RMND1: variants seen among roughly 807,000 people sequenced by gnomAD.
RMND1 encodes required for meiotic nuclear division 1 homolog, also known as required for meiotic nuclear division protein 1 homolog.
A neutral mutation model predicts 54.0 loss-of-function variants in RMND1; 41 were observed. That is an observed-to-expected ratio of 0.76 (90% confidence interval 0.59 to 0.98). RMND1 has a LOEUF of 0.98. Among genes scored for constraint, RMND1 ranks in the 50% least tolerant of loss-of-function variants. The pLI is 0.00. For missense variants in RMND1, 457 were observed against 532.0 expected, an observed-to-expected ratio of 0.86 and a Z score of 1.39; for synonymous variants, 183 against 181.7, an observed-to-expected ratio of 1.01 and a Z score of -0.06.
intron 10 of RMND1, among the ~76,000 whole-genome samples, chr6:151,407,764 C>A (rs182148584): frequency 6.6e-6 from 1 of 151,872 alleles, no homozygotes; most frequent in South Asian, 2.1e-4. Context: ...AAAAATTATC[C>A]GGGTGTTGTG....
rs148144938 is a variant in RMND1, at chr6:151,413,296, G to A, written c.1200+3983C>T. Among the ~76,000 whole-genome samples, 465 of 152,264 alleles carry A rather than the reference G, an allele frequency of 3.1e-3. 3 individuals are homozygous for A. The highest frequency in any genetic ancestry group is 0.011 in the African/African-American group (441 of 41,556). ...TGAGACAGTCTCACTCTGTCACCCA[G>A]GCTGGAGTGCAGTGGTGCAGTCTCA... On this transcript the variant is annotated intron_variant, in intron 10 of 11. Transcript: ENST00000444024.
intron 2 of RMND1, among the ~76,000 whole-genome samples, chr6:151,440,654 C>T (rs1297956482): frequency 6.6e-6 from 1 of 152,232 alleles, no homozygotes; most frequent in African/African-American, 2.4e-5. Flanking sequence ...GTTTGCTACA[C>T]TACTTTCTGT....
chr6:151,408,069 C>G (rs1036691421), intron 10 of RMND1, among the ~76,000 whole-genome samples: 2 of 151,934 alleles, frequency 1.3e-5, no homozygotes, highest in African/African-American at 4.8e-5. Flanking sequence ...AGGCAGTGGA[C>G]ATGAAGAAAA....
intron 1 of RMND1, among the ~76,000 whole-genome samples, chr6:151,446,978 G>A (rs139500600): frequency 7.2e-4 from 109 of 152,206 alleles, no homozygotes; most frequent in African/African-American, 2.4e-3. Context: ...AGAGATAGAT[G>A]AATCAATGAT....
At chr6:151,442,598 C>T (rs56703354) in intron 2 of RMND1, among the ~76,000 whole-genome samples, 1,946 of 152,046 alleles carry the variant, frequency 0.013, 38 homozygotes, top group African/African-American at 0.044. Context: ...GGTGCAGTCA[C>T]GACTCACTGC....
intron 1 of RMND1, among the ~76,000 whole-genome samples, chr6:151,449,026 A>C (rs1746819084): frequency 7.4e-6 from 1 of 134,284 alleles, no homozygotes; most frequent in Non-Finnish European, 1.5e-5. Context: ...GCGCCACTGC[A>C]CTCCAGAATG....
intron 2 of RMND1, among the ~76,000 whole-genome samples, chr6:151,438,264 G>A (rs775371379): frequency 6.6e-6 from 1 of 152,174 alleles, no homozygotes; most frequent in East Asian, 1.9e-4. Context: ...GCGAGACATC[G>A]GGTAGGCTCC....
intron 5 of RMND1, among the ~76,000 whole-genome samples, chr6:151,428,050 C>T (rs1182041558): frequency 6.6e-6 from 1 of 151,978 alleles, no homozygotes; most frequent in Non-Finnish European, 1.5e-5. Context: ...CTGGCTTGAG[C>T]CTGGGAGGTG....
chr6:151,442,265 A>C (rs73783019), intron 2 of RMND1, among the ~76,000 whole-genome samples: 1 of 149,380 alleles, frequency 6.7e-6, no homozygotes, highest in Non-Finnish European at 1.5e-5. Context: ...TAGTACATAT[A>C]CACATATATG....
chr6:151,409,171 G>C (rs1329230845), intron 10 of RMND1, among the ~76,000 whole-genome samples: 1 of 152,222 alleles, frequency 6.6e-6, no homozygotes, highest in East Asian at 1.9e-4. Flanking sequence ...GACAAGTCCA[G>C]GTGGGAAAGG....
chr6:151,416,939 C>G (rs1250739274), intron 10 of RMND1: 1 of 167,140 alleles, frequency 6.0e-6, no homozygotes, highest in Non-Finnish European at 1.3e-5. Context: ...CTTGATTTGT[C>G]TTACATGATT....
chr6:151,451,741 G>T (rs942630707), intron 1 of RMND1, among the ~76,000 whole-genome samples: 2 of 152,184 alleles, frequency 1.3e-5, no homozygotes, highest in African/African-American at 4.8e-5. Flanking sequence ...GAGCTAAGTG[G>T]CGCTCATCTT....
At position 151,405,821 on chromosome 6, in the gene RMND1, GT is replaced by G. The variant is rs1412874436; in HGVS notation, c.1215del (p.Lys405AsnfsTer8). ...IGRRVKVMNE[K>X]LQHCMELTDL... is the part of the protein sequence containing the mutation. ...TCTGTTAGTTCCATGCAGTGCTGAA[GT>G]TTTTCATTCATGACCTATGTAAGAA... On this transcript the variant is annotated frameshift_variant, in exon 11 of 12. Coordinates refer to ENST00000444024, the MANE Select transcript of RMND1 (RefSeq NM_017909.4). LOFTEE classifies it high-confidence loss of function. 1 of 1,604,000 alleles carries G rather than the reference GT, an allele frequency of 6.2e-7. No individual in the cohort carries two copies. The highest frequency in any genetic ancestry group is 1.7e-5 in the Admixed American group (1 of 59,960).
rs377690848 is a variant in RMND1 at position 151,425,408 on chromosome 6, CA to C, written c.831-1778del. On this transcript the variant is annotated intron_variant, in intron 6 of 11. Transcript: ENST00000444024. The stretch of plus-strand genomic sequence containing the variant: ...CCTAAGCACTGAGGATTTTACTCCT[CA>C]CAGACTGTACAGTAACGTGTGTGTG... 3.2e-3 allele frequency among the ~76,000 whole-genome samples: 485 copies of C among 151,704 alleles called. 2 individuals are homozygous for C. The highest frequency in any genetic ancestry group is 0.011 in the African/African-American group (460 of 41,330).
Position 151,445,262 on chromosome 6 carries a change from G to A in RMND1, c.504+46C>T, listed in dbSNP as rs73783025. On this transcript the variant is annotated intron_variant, in intron 2 of 11. Transcript: ENST00000444024. ...GGTGCAACGCACACTGGTTTAGCAT[G>A]AGCAATGATCACTAAGCACGAGAGC... 93,280 of 1,556,494 alleles carry A rather than the reference G, an allele frequency of 0.06. 3,506 individuals are homozygous for A. The highest frequency in any genetic ancestry group is 0.15 in the African/African-American group (11,071 of 72,920).
chr6:151,448,384 C>T (rs1781024639), intron 1 of RMND1, among the ~76,000 whole-genome samples: 1 of 132,788 alleles, frequency 7.5e-6, no homozygotes, highest in African/African-American at 3.5e-5. Flanking sequence ...ACTTCACTTC[C>T]TCCATATCCA....
At chr6:151,416,010 G>A (rs541143533) in intron 10 of RMND1, among the ~76,000 whole-genome samples, 5 of 151,730 alleles carry the variant, frequency 3.3e-5, no homozygotes, top group African/African-American at 7.3e-5. Flanking sequence ...ATGGAGTCTC[G>A]CTGCAACGCC....
At chr6:151,438,458 C>T (rs1780677718) in intron 2 of RMND1, among the ~76,000 whole-genome samples, 1 of 152,182 alleles carries the variant, frequency 6.6e-6, no homozygotes, top group South Asian at 2.1e-4. Context: ...AAGGATCTTC[C>T]TGTAGCTGTA....
chr6:151,450,643 C>G (rs1164427641), intron 1 of RMND1, among the ~76,000 whole-genome samples: 3 of 151,048 alleles, frequency 2.0e-5, no homozygotes, highest in African/African-American at 7.3e-5. Flanking sequence ...TCTGCCCGGC[C>G]GCCCCTACTG....
Sources: allele counts gnomAD v4.1 joint callset (sites outside exome capture counted in the v4.1 genomes callset), GRCh38; gene constraint gnomAD v4.1.1; transcripts MANE v1.5; gene names NCBI Gene and HGNC (gene_info 2026-07-23, HGNC 2026-07-21).